ENTREP2: variants seen among roughly 807,000 people sequenced by gnomAD.
ENTREP2 encodes endosomal transmembrane epsin interactor 2.
chr15:29,546,673 T>C, the ENTREP2 span, among the ~76,000 whole-genome samples: 2 of 152,086 alleles, frequency 1.3e-5, no homozygotes, highest in East Asian at 3.9e-4. Context: ...GATCATGAGG[T>C]CAGGAGATCG....
the ENTREP2 span, among the ~76,000 whole-genome samples, chr15:29,449,861 T>C: frequency 1.3e-5 from 2 of 152,228 alleles, no homozygotes; most frequent in Non-Finnish European, 2.9e-5. Context: ...TATTTACTTG[T>C]ATTAAGAAGT....
chr15:29,418,431 C>A, the ENTREP2 span, among the ~76,000 whole-genome samples: 1 of 152,112 alleles, frequency 6.6e-6, no homozygotes, highest in Non-Finnish European at 1.5e-5. Flanking sequence ...TCTTAGAATC[C>A]TTCTAACACA....
chr15:29,657,049 A>T, the ENTREP2 span, among the ~76,000 whole-genome samples: 1 of 151,942 alleles, frequency 6.6e-6, no homozygotes, highest in East Asian at 1.9e-4. Flanking sequence ...GGTGAGTGTT[A>T]CAGCTCTTTT....
At chr15:29,352,561 C>T in the ENTREP2 span, among the ~76,000 whole-genome samples, 1 of 152,104 alleles carries the variant, frequency 6.6e-6, no homozygotes, top group Non-Finnish European at 1.5e-5. Context: ...TGTAACCGCT[C>T]GCCTGTCACC....
the ENTREP2 span, among the ~76,000 whole-genome samples, chr15:29,429,159 C>T: frequency 6.6e-6 from 1 of 151,158 alleles, no homozygotes; most frequent in African/African-American, 2.4e-5. Flanking sequence ...ATCTGTCCAT[C>T]CATCCATCCA....
the ENTREP2 span, among the ~76,000 whole-genome samples, chr15:29,405,833 T>C: frequency 2.0e-5 from 3 of 152,238 alleles, no homozygotes; most frequent in Non-Finnish European, 4.4e-5. Context: ...TTTGTGCCCA[T>C]GCTCCTGACC....
the ENTREP2 span, among the ~76,000 whole-genome samples, chr15:29,532,869 C>A: frequency 1.3e-5 from 2 of 152,100 alleles, no homozygotes; most frequent in Non-Finnish European, 2.9e-5. Context: ...TGGCATTTCA[C>A]AGAAAATAAA....
At chr15:29,135,525 C>T in the ENTREP2 span, among the ~76,000 whole-genome samples, 10 of 152,072 alleles carry the variant, frequency 6.6e-5, no homozygotes, top group Non-Finnish European at 1.2e-4. The surrounding 1 kb of genome is among the most constrained non-coding windows in gnomAD (Gnocchi z 7.4). Flanking sequence ...ATGACAACAA[C>T]GATGATGAGG....
chr15:29,278,520 T>C, the ENTREP2 span, among the ~76,000 whole-genome samples: 7 of 152,210 alleles, frequency 4.6e-5, no homozygotes, highest in African/African-American at 1.7e-4. Context: ...TTGCCCCCTG[T>C]GAGGCCTGGG....
the ENTREP2 span, among the ~76,000 whole-genome samples, chr15:29,217,177 T>C: frequency 6.6e-6 from 1 of 152,194 alleles, no homozygotes; most frequent in Non-Finnish European, 1.5e-5. Flanking sequence ...CTAGGAATTG[T>C]GGATACAGCT....
chr15:29,248,353 A>G, the ENTREP2 span, among the ~76,000 whole-genome samples: 3 of 152,184 alleles, frequency 2.0e-5, no homozygotes, highest in Non-Finnish European at 4.4e-5. Context: ...ACATTGGTAA[A>G]TTTGAATATA....
the ENTREP2 span, chr15:29,268,052 A>C: frequency 9.2e-5 from 14 of 152,320 alleles, 1 homozygote; most frequent in Admixed American, 9.1e-4. Flanking sequence ...AACTTCTACA[A>C]AACAGCATTG....
chr15:29,195,756 C>T, the ENTREP2 span, among the ~76,000 whole-genome samples: 1 of 152,066 alleles, frequency 6.6e-6, no homozygotes, highest in Admixed American at 6.5e-5. Flanking sequence ...AACTCCTGAC[C>T]TCAAGTGGTC....
chr15:29,586,286 T>G, the ENTREP2 span, among the ~76,000 whole-genome samples: 1 of 152,084 alleles, frequency 6.6e-6, no homozygotes, highest in African/African-American at 2.4e-5. Flanking sequence ...GAAAATAGAT[T>G]AATGGCTGTC....
the ENTREP2 span, among the ~76,000 whole-genome samples, chr15:29,580,001 C>T: frequency 1.3e-5 from 2 of 152,066 alleles, no homozygotes; most frequent in African/African-American, 2.4e-5. Context: ...TGAGCCACCG[C>T]GCCCGGCCAA....
the ENTREP2 span, among the ~76,000 whole-genome samples, chr15:29,578,305 AG>A: frequency 6.6e-6 from 1 of 152,196 alleles, no homozygotes; most frequent in Non-Finnish European, 1.5e-5. Context: ...ATGACCCAGT[AG>A]TTCCACTCCT....
the ENTREP2 span, among the ~76,000 whole-genome samples, chr15:29,642,176 A>G: frequency 1.3e-5 from 2 of 152,166 alleles, no homozygotes; most frequent in Admixed American, 6.5e-5. Context: ...ATAGTAAAAA[A>G]GAAAACATTT....
chr15:29,618,775 C>G, the ENTREP2 span, among the ~76,000 whole-genome samples: 1 of 152,154 alleles, frequency 6.6e-6, no homozygotes, highest in Admixed American at 6.5e-5. Flanking sequence ...TCACATGGCC[C>G]TCCCACCCCA....
chr15:29,410,873 C>T, the ENTREP2 span, among the ~76,000 whole-genome samples: 1 of 152,290 alleles, frequency 6.6e-6, no homozygotes, highest in Admixed American at 6.5e-5. Context: ...GCAACCTCCG[C>T]CTCCCAGGTT....
Sources: gnomAD v4.1 joint callset for allele counts (sites outside exome capture counted in the v4.1 genomes callset) on GRCh38, gnomAD v4.1.1 for gene constraint, Gnocchi (gnomAD v3.1) non-coding constraint, MANE v1.5 for transcripts, NCBI Gene and HGNC (gene_info 2026-07-23, HGNC 2026-07-21) for gene names.